The following PAX3 variants were observed in gnomAD, a reference collection of about 807,000 sequenced individuals.
The protein encoded by PAX3 is paired box protein Pax-3.
PAX3 carries 14 observed loss-of-function variants against 51.6 expected under a neutral mutation model. The observed-to-expected ratio is 0.27, with a 90% CI of 0.18 to 0.42. The LOEUF (loss-of-function observed/expected upper bound fraction) is 0.42, where lower values mean the gene tolerates loss of function less well. Ranked by LOEUF, PAX3 falls within the 10% of genes least tolerant of loss-of-function variation. PAX3 has a pLI of 1.00. For synonymous variants in PAX3, 280 were observed against 253.4 expected, an observed-to-expected ratio of 1.11 and a Z score of -1.00; for missense variants, 540 against 642.8, an observed-to-expected ratio of 0.84 and a Z score of 1.73.
At chr2:222,207,723 G>T (rs908701536) in intron 7 of PAX3, among the ~76,000 whole-genome samples, 9 of 152,094 alleles carry the variant, frequency 5.9e-5, no homozygotes, top group Non-Finnish European at 1.2e-4. Flanking sequence ...GCTCAATAGA[G>T]CTAAGTGTTA....
chr2:222,213,008 A>AT (rs1231249716), intron 7 of PAX3, among the ~76,000 whole-genome samples: 1 of 152,182 alleles, frequency 6.6e-6, no homozygotes, highest in African/African-American at 2.4e-5. Flanking sequence ...AGGTTGTTGC[A>AT]TTTGATTTGT....
chr2:222,201,829 A>T lies in PAX3; in HGVS notation c.1420+115T>A. 11 of 1,592,314 alleles carry T rather than the reference A, an allele frequency of 6.9e-6. No homozygotes were observed. The South Asian group carries it at 1.0e-4, about 15-fold the overall frequency. On this transcript the variant is annotated intron_variant, in intron 8 of 8. Coordinates refer to ENST00000392070, the MANE Select transcript of PAX3 (RefSeq NM_181458.4). The stretch of plus-strand genomic sequence containing the variant: ...TCAGCTGGCTTTGCAAAAAAAAAAA[A>T]AAATTGATACCGGCATGTGTGGCTT...
chr2:222,215,262 A>G (rs575266466), intron 7 of PAX3, among the ~76,000 whole-genome samples: 1 of 152,172 alleles, frequency 6.6e-6, no homozygotes, highest in Non-Finnish European at 1.5e-5. Context: ...AAAATTAAGG[A>G]GGAAAAGTGC....
chr2:222,202,459 AAG>A (rs1472488872), intron 7 of PAX3, among the ~76,000 whole-genome samples: 1 of 151,854 alleles, frequency 6.6e-6, no homozygotes, highest in Non-Finnish European at 1.5e-5. Flanking sequence ...GAGAAGAGGA[AAG>A]AGAGAGATTA....
In PAX3 at chr2:222,298,765, G is replaced by T. The variant is rs1392656914; in HGVS notation, c.-150C>A. 1 of 746,794 alleles carries T rather than the reference G, an allele frequency of 1.3e-6. No homozygotes were observed. The allele number at this position is 746,794 out of a possible 1,614,324, so 46.3% of individuals were successfully genotyped here. On this transcript the variant is annotated 5_prime_UTR_variant, in exon 1 of 9. Transcript: ENST00000392070. ...GAGAGGGAGGGACGCGGGGAGGGGGGCTGTCGGTTCCTAGTCCAGAGGCCG... is the reference window on the plus strand; with the variant it reads ...GAGAGGGAGGGACGCGGGGAGGGGGTCTGTCGGTTCCTAGTCCAGAGGCCG...
Position 222,298,267 on chromosome 2 carries a change from T to C in PAX3, c.85+264A>G. Reference sequence around the variant, plus strand: ...TTCACCTCCTTCTCCACCGCGGCATTTCCAAAACAACAGGGACAAGTCTCC... The same window carrying C: ...TTCACCTCCTTCTCCACCGCGGCATCTCCAAAACAACAGGGACAAGTCTCC... On this transcript the variant is annotated intron_variant, in intron 1 of 8. Coordinates refer to ENST00000392070, the MANE Select transcript of PAX3 (RefSeq NM_181458.4). 6 of 513,178 alleles carry C rather than the reference T, an allele frequency of 1.2e-5. 1 individual carries two copies. In the South Asian group the frequency reaches 1.7e-4, roughly 14 times the overall value. The allele number at this position is 513,178 out of a possible 1,614,324, so 31.8% of individuals were successfully genotyped here. A position where few individuals can be genotyped will look rare whatever the true frequency, so the allele number is the denominator to read the frequency against.
chr2:222,232,435 C>T (rs1692632884), intron 4 of PAX3, 152 bp from the exon 5 acceptor site: 1 of 699,098 alleles, frequency 1.4e-6, no homozygotes, highest in Non-Finnish European at 2.4e-6. Context: ...CAAGTCTAAC[C>T]AATCCGTAAT....
intron 4 of PAX3, among the ~76,000 whole-genome samples, chr2:222,265,923 C>T (rs1694042152): frequency 6.6e-6 from 1 of 152,206 alleles, no homozygotes; most frequent in African/African-American, 2.4e-5. Flanking sequence ...TACATCCTGC[C>T]AGAATCTGGC....
intron 7 of PAX3, among the ~76,000 whole-genome samples, chr2:222,202,501 G>A (rs1391501704): frequency 6.6e-6 from 1 of 151,780 alleles, no homozygotes; most frequent in East Asian, 1.9e-4. Context: ...AAATCAGACT[G>A]GAATTTCAAA....
chr2:222,270,543 T>G (rs1300553815), intron 4 of PAX3, among the ~76,000 whole-genome samples: 1 of 152,172 alleles, frequency 6.6e-6, no homozygotes, highest in Non-Finnish European at 1.5e-5. Context: ...AAGCATCTTC[T>G]CCTCACTGGC....
At chr2:222,266,000 G>T (rs1694044466) in intron 4 of PAX3, among the ~76,000 whole-genome samples, 1 of 152,164 alleles carries the variant, frequency 6.6e-6, no homozygotes, top group Admixed American at 6.5e-5. Flanking sequence ...GCCAGTAGTT[G>T]GTTGATCCAG....
Position 222,253,388 on chromosome 2 carries a change from C to T in PAX3, c.587-21105G>A, listed in dbSNP as rs374738682. Reference sequence around the variant, plus strand: ...GGTTTGACATTAGTCTGTTGACTTTCTCAAACCCTAAAGACATTTTAGGCA... The same window carrying T: ...GGTTTGACATTAGTCTGTTGACTTTTTCAAACCCTAAAGACATTTTAGGCA... On this transcript the variant is annotated intron_variant, in intron 4 of 8. Coordinates refer to ENST00000392070, the MANE Select transcript of PAX3 (RefSeq NM_181458.4). 1.3e-3 allele frequency among the ~76,000 whole-genome samples: 191 copies of T among 152,302 alleles called. 2 individuals are homozygous for T. The South Asian group carries it at 0.027, about 21-fold the overall frequency.
chr2:222,220,126 AAC>A lies in PAX3; in HGVS notation c.1173+12_1173+13del. 2 of 1,610,940 alleles carry A rather than the reference AAC, an allele frequency of 1.2e-6. No homozygotes were observed. Among genetic ancestry groups the A allele is most frequent in the Non-Finnish European group, 1.7e-6 (2 of 1,177,654 alleles). On this transcript the variant is annotated intron_variant, in intron 7 of 8. Coordinates refer to ENST00000392070, the MANE Select transcript of PAX3 (RefSeq NM_181458.4). Reference sequence around the variant, plus strand: ...GTATACAGCAAATCGTCTGTCTAGAAACACGGGACTGACCTGAGGTGAGAGGC... The same window carrying A: ...GTATACAGCAAATCGTCTGTCTAGAAACGGGACTGACCTGAGGTGAGAGGC...
chr2:222,245,753 T>C (rs1693203429), intron 4 of PAX3, among the ~76,000 whole-genome samples: 1 of 149,678 alleles, frequency 6.7e-6, no homozygotes, highest in Non-Finnish European at 1.5e-5. Flanking sequence ...GTGGATCACC[T>C]GAGGTCAGGA....
intron 4 of PAX3, among the ~76,000 whole-genome samples, chr2:222,236,191 T>C (rs1362875801): frequency 1.3e-5 from 2 of 152,214 alleles, no homozygotes; most frequent in East Asian, 3.8e-4. Flanking sequence ...TATCATTCAA[T>C]AGAAATAAAA....
intron 7 of PAX3, among the ~76,000 whole-genome samples, chr2:222,209,513 G>T (rs1179320713): frequency 2.0e-5 from 3 of 151,764 alleles, no homozygotes; most frequent in African/African-American, 4.8e-5. Flanking sequence ...GAAAACACTT[G>T]CTGGTCTGTT....
At chr2:222,206,087 C>T (rs917068541) in intron 7 of PAX3, among the ~76,000 whole-genome samples, 3 of 151,912 alleles carry the variant, frequency 2.0e-5, no homozygotes, top group Non-Finnish European at 4.4e-5. Context: ...TTTGCCCTCC[C>T]CTTACACCAT....
At chr2:222,294,859 T>C (rs1695209393) in intron 3 of PAX3, among the ~76,000 whole-genome samples, 1 of 148,950 alleles carries the variant, frequency 6.7e-6, no homozygotes, top group African/African-American at 2.5e-5. Context: ...AACTGCAGAA[T>C]CGTTTCCTAT....
intron 4 of PAX3, among the ~76,000 whole-genome samples, chr2:222,269,333 C>T (rs1319469869): frequency 1.3e-5 from 2 of 152,202 alleles, no homozygotes; most frequent in East Asian, 3.8e-4. Flanking sequence ...GAATGCCTTA[C>T]TTCAAAGATG....
Sources: allele counts gnomAD v4.1 joint callset (sites outside exome capture counted in the v4.1 genomes callset), GRCh38; gene constraint gnomAD v4.1.1; transcripts MANE v1.5; gene names NCBI Gene and HGNC (gene_info 2026-07-23, HGNC 2026-07-21).